The following GRID1 variants were observed in gnomAD, a reference collection of about 807,000 sequenced individuals.
The protein encoded by GRID1 is glutamate receptor ionotropic, delta-1.
Under a neutral mutation model 98.0 loss-of-function variants are expected in GRID1, and 28 were observed. The ratio of observed to expected loss-of-function variants is 0.29; its 90% CI spans 0.21 to 0.39. The LOEUF (loss-of-function observed/expected upper bound fraction) is 0.39, where lower values mean the gene tolerates loss of function less well. Ranked by LOEUF, GRID1 falls within the 10% of genes least tolerant of loss-of-function variation. The pLI is 1.00. For missense variants in GRID1, 1,111 were observed against 1,340.5 expected (o/e 0.83, Z 2.67); for synonymous variants, 553 against 538.5 (o/e 1.03, Z -0.37).
chr10:86,346,849 C>CA (rs1323752276), intron 2 of GRID1, among the ~76,000 whole-genome samples: 1 of 152,172 alleles, frequency 6.6e-6, no homozygotes, highest in Non-Finnish European at 1.5e-5. Flanking sequence ...AGGAATAAAG[C>CA]AGAGATCCCC....
At chr10:86,176,297 A>G (rs1845574342) in intron 3 of GRID1, among the ~76,000 whole-genome samples, 1 of 152,226 alleles carries the variant, frequency 6.6e-6, no homozygotes, top group Non-Finnish European at 1.5e-5. Context: ...TTGGAGCATG[A>G]TAGTTGTCAT....
chr10:86,257,859 AG>A (rs1164452304), intron 2 of GRID1, among the ~76,000 whole-genome samples: 1 of 152,230 alleles, frequency 6.6e-6, no homozygotes, highest in African/African-American at 2.4e-5. Context: ...GATAAAGAAC[AG>A]GGGAGCAATG....
intron 3 of GRID1, among the ~76,000 whole-genome samples, chr10:86,180,179 G>A (rs531627806): frequency 2.6e-5 from 4 of 152,268 alleles, no homozygotes; most frequent in African/African-American, 9.6e-5. Flanking sequence ...TGAGCAGAAG[G>A]CTCCGGCTGG....
intron 4 of GRID1, among the ~76,000 whole-genome samples, chr10:86,121,978 G>A (rs867103334): frequency 1.3e-5 from 2 of 152,058 alleles, no homozygotes; most frequent in East Asian, 1.9e-4. Flanking sequence ...GGATACCCCC[G>A]GGCCCCAAAT....
chr10:86,205,311 C>T (rs1846010279), intron 3 of GRID1, among the ~76,000 whole-genome samples: 1 of 152,214 alleles, frequency 6.6e-6, no homozygotes, highest in Non-Finnish European at 1.5e-5. Flanking sequence ...CGTGGGGCTG[C>T]CAACCCTCAT....
At chr10:86,092,158 A>G (rs1169992241) in intron 4 of GRID1, among the ~76,000 whole-genome samples, 2 of 152,240 alleles carry the variant, frequency 1.3e-5, no homozygotes, top group African/African-American at 4.8e-5. Context: ...CTGAAAAAGA[A>G]TTCAGGAGCT....
intron 4 of GRID1, among the ~76,000 whole-genome samples, chr10:86,026,374 C>T (rs546724990): frequency 2.6e-5 from 4 of 152,262 alleles, no homozygotes; most frequent in South Asian, 2.1e-4. Flanking sequence ...TCAAAATTTA[C>T]AATACTGAAT....
intron 8 of GRID1, among the ~76,000 whole-genome samples, chr10:85,833,381 C>T (rs1842885904): frequency 6.6e-6 from 1 of 152,090 alleles, no homozygotes; most frequent in African/African-American, 2.4e-5. Flanking sequence ...CAGAGGAAGC[C>T]CCAACAGCAC....
intron 10 of GRID1, among the ~76,000 whole-genome samples, chr10:85,725,075 T>C (rs1841747459): frequency 6.6e-6 from 1 of 151,770 alleles, no homozygotes; most frequent in Admixed American, 6.6e-5. Flanking sequence ...GTGTGCATCC[T>C]CCCTACATGT....
intron 4 of GRID1, among the ~76,000 whole-genome samples, chr10:85,976,549 C>T (rs1169279205): frequency 6.6e-6 from 1 of 152,254 alleles, no homozygotes; most frequent in Non-Finnish European, 1.5e-5. Context: ...GCCACTGCTT[C>T]CTTGTCTTAG....
intron 3 of GRID1, among the ~76,000 whole-genome samples, chr10:86,174,651 TA>T (rs1361418554): frequency 1.3e-5 from 2 of 151,738 alleles, no homozygotes; most frequent in African/African-American, 2.4e-5. Context: ...AGGATCTAAT[TA>T]AACTAAAGAG....
At chr10:85,779,811 C>T (rs188181999) in intron 8 of GRID1, among the ~76,000 whole-genome samples, 22 of 152,182 alleles carry the variant, frequency 1.4e-4, no homozygotes, top group Admixed American at 2.0e-4. Context: ...GAGATGAAGA[C>T]GGAAAGGGAA....
chr10:86,077,044 T>C (rs1461107647), intron 4 of GRID1, among the ~76,000 whole-genome samples: 1 of 137,412 alleles, frequency 7.3e-6, no homozygotes, highest in Non-Finnish European at 1.6e-5. Flanking sequence ...AACTCTGGCA[T>C]ATGAATTTTG....
intron 11 of GRID1, 22 bp from the exon 12 acceptor site, chr10:85,723,163 G>A: frequency 6.3e-7 from 1 of 1,592,130 alleles, no homozygotes; most frequent in East Asian, 2.3e-5. Context: ...AGACAAAGTG[G>A]ATTGGCCAGT....
At position 86,285,769 on chromosome 10, in the gene GRID1, TTCGATATATGGTAAG is replaced by T. The variant is rs1389197866; in HGVS notation, c.235+78157_235+78171del. 2.0e-5 allele frequency among the ~76,000 whole-genome samples: 3 copies of T among 152,278 alleles called. No homozygotes were observed. In the East Asian group the frequency reaches 5.8e-4, roughly 29 times the overall value. On this transcript the variant is annotated intron_variant, in intron 2 of 15. Transcript: ENST00000327946. ...GAGTAGAAATAGGTCAAGGCATAGA[TTCGATATATGGTAAG>T]TCCTTACTTAACATCACTGATAGGA...
chr10:86,353,472 A>G (rs1168194550), intron 2 of GRID1, among the ~76,000 whole-genome samples: 1 of 150,718 alleles, frequency 6.6e-6, no homozygotes, highest in East Asian at 2.0e-4. Flanking sequence ...AGCCCCCAGA[A>G]GCCCTTTGGA....
chr10:86,119,674 C>T (rs1456114077), intron 4 of GRID1, among the ~76,000 whole-genome samples: 1 of 152,208 alleles, frequency 6.6e-6, no homozygotes, highest in Non-Finnish European at 1.5e-5. Flanking sequence ...TGCCCTTCCT[C>T]CTGGCCACAG....
intron 2 of GRID1, among the ~76,000 whole-genome samples, chr10:86,273,887 C>A (rs566411800): frequency 7.9e-5 from 12 of 151,500 alleles, no homozygotes; most frequent in African/African-American, 2.4e-4. Flanking sequence ...ATGGTAGTTT[C>A]TTTTGCTGTG....
rs143462855 is a variant in GRID1 at position 86,159,671 on chromosome 10, G to A, written c.521-20647C>T. ...TGTCTGTGCCACAGGACACAGCTTC[G>A]CTCAGCATGCCTGCTCATCATTCAT... On this transcript the variant is annotated intron_variant, in intron 3 of 15. Coordinates refer to ENST00000327946, the MANE Select transcript of GRID1 (RefSeq NM_017551.3). Among the ~76,000 whole-genome samples the A allele has an allele frequency of 6.3e-3, 965 of 152,298 alleles. 16 individuals are homozygous for A. The highest frequency in any genetic ancestry group is 0.022 in the African/African-American group (905 of 41,554).
Sources: allele counts gnomAD v4.1 joint callset (sites outside exome capture counted in the v4.1 genomes callset), GRCh38; gene constraint gnomAD v4.1.1; transcripts MANE v1.5; gene names NCBI Gene and HGNC (gene_info 2026-07-23, HGNC 2026-07-21).